FBXL18: variants seen among roughly 807,000 people sequenced by gnomAD.
FBXL18 encodes the protein F-box/LRR-repeat protein 18.
A neutral mutation model predicts 46.0 loss-of-function variants in FBXL18; 36 were observed. The observed-to-expected ratio is 0.78, with a 90% CI of 0.60 to 1.03. The LOEUF (loss-of-function observed/expected upper bound fraction) is 1.03, where lower values mean the gene tolerates loss of function less well. FBXL18 is among the 50% of genes least tolerant of loss of function. FBXL18 has a pLI of 0.00. For synonymous variants in FBXL18, 557 were observed against 465.3 expected (o/e 1.20, Z -2.54); for missense variants, 977 against 1,004.1 (o/e 0.97, Z 0.36).
At chr7:5,474,770 C>T (rs1228081913), downstream of FBXL18, among the ~76,000 whole-genome samples, 3 of 150,742 alleles carry the variant, frequency 2.0e-5, no homozygotes, top group Non-Finnish European at 3.0e-5. Context: ...TGCAGTGGCG[C>T]GATCTCGGCT....
At chr7:5,470,121 G>T (rs999518024) in intron 4 of FBXL18, among the ~76,000 whole-genome samples, 19 of 152,118 alleles carry the variant, frequency 1.2e-4, no homozygotes, top group African/African-American at 4.6e-4. Flanking sequence ...TTCCCAGCAG[G>T]GGCTAGAGAT....
In FBXL18 at chr7:5,481,983, C is replaced by T. The variant is rs375266506; in HGVS notation, c.2001-52G>A. 1.8e-3 allele frequency: 2,859 copies of T among 1,546,472 alleles called. 7 individuals carry two copies. Among genetic ancestry groups the T allele is most frequent in the Non-Finnish European group, 2.1e-3 (2,432 of 1,146,056 alleles). On this transcript the variant is annotated intron_variant, in intron 4 of 4. Transcript: ENST00000382368. ...ATTACATGGGTGGCCACGGAGGGGGCGGAGCCTGCTGGGGAAGCCCAGGAG... is the reference window on the plus strand; with the variant it reads ...ATTACATGGGTGGCCACGGAGGGGGTGGAGCCTGCTGGGGAAGCCCAGGAG...
rs562177477 is a variant in FBXL18, at chr7:5,479,067, T to C, written c.*2708A>G. The C allele has an allele frequency of 2.9e-4, 44 of 152,248 alleles. No individual in the cohort carries two copies. Among genetic ancestry groups the C allele is most frequent in the African/African-American group, 1.0e-3 (43 of 41,552 alleles). 9.4% of individuals were successfully genotyped at this position (152,248 alleles called of 1,614,324 possible). A position where few individuals can be genotyped will look rare whatever the true frequency, so the allele number is the denominator to read the frequency against. On this transcript the variant is annotated 3_prime_UTR_variant, in exon 5 of 5. Coordinates refer to ENST00000382368, the MANE Select transcript of FBXL18 (RefSeq NM_024963.6). Reference sequence around the variant, plus strand: ...AGAAAATAAGCACGTTATTAACATCTGGTGAAGCCCATCTCGGGGGTAGCA... The same window carrying C: ...AGAAAATAAGCACGTTATTAACATCCGGTGAAGCCCATCTCGGGGGTAGCA...
chr7:5,483,300 G>T (rs922211852), intron 4 of FBXL18, among the ~76,000 whole-genome samples: 3 of 150,998 alleles, frequency 2.0e-5, no homozygotes, highest in African/African-American at 4.9e-5. Context: ...AATTAGCAAG[G>T]CAGGATGGCG....
chr7:5,495,838 G>A lies in FBXL18; in HGVS notation c.1782-4389C>T, dbSNP rs372099307. The A allele has an allele frequency of 3.4e-3, 1,640 of 480,572 alleles. 5 individuals are homozygous for A. The highest frequency in any genetic ancestry group is 7.1e-3 in the Middle Eastern group (22 of 3,082). 29.8% of individuals were successfully genotyped at this position (480,572 alleles called of 1,614,324 possible). ...GAACGGGGCCAGCTGGCAGCGTCTG[G>A]GAACCGGCATTTGTTCTGAACAGGC... On this transcript the variant is annotated intron_variant, in intron 3 of 4. Transcript: ENST00000382368.
At chr7:5,473,339 G>A (rs1336618026), downstream of FBXL18, among the ~76,000 whole-genome samples, 1 of 152,100 alleles carries the variant, frequency 6.6e-6, no homozygotes, top group Non-Finnish European at 1.5e-5. Context: ...TCTGCCGGCA[G>A]CCCTGTCCCC....
At chr7:5,498,365 C>T (rs1584230051) in intron 3 of FBXL18, among the ~76,000 whole-genome samples, 2 of 152,090 alleles carry the variant, frequency 1.3e-5, no homozygotes, top group South Asian at 2.1e-4. Context: ...GGATTACAGG[C>T]GTGAGCCACG....
chr7:5,498,495 C>A (rs549864929), intron 3 of FBXL18, among the ~76,000 whole-genome samples: 1 of 152,204 alleles, frequency 6.6e-6, no homozygotes. Flanking sequence ...GGGCTCTTCG[C>A]GTGTTCTGGC....
Position 5,509,701 on chromosome 7 carries a change from C to CAAAAAAAA in FBXL18, c.18+3948_18+3955dup, listed in dbSNP as rs761762119. 6.1e-3 allele frequency among the ~76,000 whole-genome samples: 396 copies of CAAAAAAAA among 65,346 alleles called. 11 individuals are homozygous for CAAAAAAAA. Among genetic ancestry groups the CAAAAAAAA allele is most frequent in the African/African-American group, 0.017 (331 of 19,234 alleles). The allele number at this position is 65,346 out of a possible 152,430, so 42.9% of individuals were successfully genotyped here. ...TGGGTGACAGAGTGAGATTCCATCTCAAAAAAAAAAAAAAAAAAGAGAAGT... is the reference window on the plus strand; with the variant it reads ...TGGGTGACAGAGTGAGATTCCATCTCAAAAAAAAAAAAAAAAAAAAAAAAAAGAGAAGT... On this transcript the variant is annotated intron_variant, in intron 1 of 4. Coordinates refer to ENST00000382368, the MANE Select transcript of FBXL18 (RefSeq NM_024963.6).
chr7:5,489,567 G>T, intron 4 of FBXL18: 1 of 278,234 alleles, frequency 3.6e-6, no homozygotes, highest in Non-Finnish European at 7.1e-6. Flanking sequence ...TCAGGAGATC[G>T]AGACCATCCT....
At position 5,480,548 on chromosome 7, in the gene FBXL18, A is replaced by ATATATATATATATTT. The variant is rs1783616980; in HGVS notation, c.*1226_*1227insAAATATATATATATA. 2.5e-5 allele frequency: 1 copy of ATATATATATATATTT among 40,332 alleles called. No homozygotes were observed. The highest frequency in any genetic ancestry group is 9.6e-5 in the African/African-American group (1 of 10,416). 2.5% of individuals were successfully genotyped at this position (40,332 alleles called of 1,614,324 possible). A position where few individuals can be genotyped will look rare whatever the true frequency, so the allele number is the denominator to read the frequency against. On this transcript the variant is annotated 3_prime_UTR_variant, in exon 5 of 5. Coordinates refer to ENST00000382368, the MANE Select transcript of FBXL18 (RefSeq NM_024963.6). The stretch of plus-strand genomic sequence containing the variant: ...GTTGAATATATATATATATATATAT[A>ATATATATATATATTT]TTTTTTTTTTTTTTTTTTTTTTTTT...
chr7:5,512,297 T>TAAA lies in FBXL18; in HGVS notation c.18+1357_18+1359dup, dbSNP rs71004681. Among the ~76,000 whole-genome samples the TAAA allele has an allele frequency of 9.4e-5, 8 of 85,542 alleles. 1 individual carries two copies. The highest frequency in any genetic ancestry group is 2.0e-4 in the African/African-American group (5 of 24,578). 56.1% of individuals were successfully genotyped at this position (85,542 alleles called of 152,430 possible). On this transcript the variant is annotated intron_variant, in intron 1 of 4. Coordinates refer to ENST00000382368, the MANE Select transcript of FBXL18 (RefSeq NM_024963.6). ...GCACTGAACCATGTGAAGTGTTATT[T>TAAA]AAAAAAAAAAAAAAAAAAAAAAAAA...
At chr7:5,504,038 G>A (rs912517247) in intron 2 of FBXL18, among the ~76,000 whole-genome samples, 1 of 151,078 alleles carries the variant, frequency 6.6e-6, no homozygotes, top group Admixed American at 6.6e-5. Context: ...TTCCTCTGCA[G>A]AGAACAAAGC....
downstream of FBXL18, among the ~76,000 whole-genome samples, chr7:5,474,955 G>C (rs1378118115): frequency 6.7e-6 from 1 of 148,832 alleles, no homozygotes; most frequent in Non-Finnish European, 1.5e-5. Flanking sequence ...TGATCCGCCC[G>C]CCTCGGCCTC....
chr7:5,463,732 T>A (rs7458751), intron 4 of FBXL18, among the ~76,000 whole-genome samples: 288 of 12,144 alleles, frequency 0.024, 1 homozygote, highest in East Asian at 0.11. Flanking sequence ...TTATTTATTT[T>A]TTTTTTTTTT....
intron 4 of FBXL18, among the ~76,000 whole-genome samples, chr7:5,457,096 G>C (rs1219521998): frequency 6.6e-6 from 1 of 152,220 alleles, no homozygotes; most frequent in African/African-American, 2.4e-5. Context: ...ACACAGACTT[G>C]TGGGTGATGG....
chr7:5,490,209 C>T lies in FBXL18; in HGVS notation c.2000+1022G>A, dbSNP rs759304918. 3 of 1,340,054 alleles carry T rather than the reference C, an allele frequency of 2.2e-6. No homozygotes were observed. The Admixed American group carries it at 5.8e-5, about 26-fold the overall frequency. The allele number at this position is 1,340,054 out of a possible 1,614,324, so 83.0% of individuals were successfully genotyped here. On this transcript the variant is annotated intron_variant, in intron 4 of 4. Coordinates refer to ENST00000382368, the MANE Select transcript of FBXL18 (RefSeq NM_024963.6). Reference sequence around the variant, plus strand: ...GGGGCCTCCTTCCTGTCACCTCTCCCCACCTGCAGGGACACGAACACTCAG... The same window carrying T: ...GGGGCCTCCTTCCTGTCACCTCTCCTCACCTGCAGGGACACGAACACTCAG...
rs186379909 is a variant in FBXL18, at chr7:5,458,482, G to A, written c.2001-10639C>T. Among the ~76,000 whole-genome samples the A allele has an allele frequency of 5.0e-3, 747 of 150,868 alleles. 4 individuals carry two copies. Among genetic ancestry groups the A allele is most frequent in the African/African-American group, 0.017 (702 of 41,096 alleles). ...TGGGAGGCTGCGGCGGGCGGATCAC[G>A]AGATCACGAGTTCGAGACCAGCCTG... On this transcript the variant is annotated intron_variant and NMD_transcript_variant, in intron 4 of 6. Transcript: ENST00000415009.
chr7:5,484,453 GA>G (rs1317647468), intron 4 of FBXL18, among the ~76,000 whole-genome samples: 5 of 145,460 alleles, frequency 3.4e-5, no homozygotes, highest in Non-Finnish European at 7.5e-5. Flanking sequence ...CTGGGCGACA[GA>G]GGGAGACTCT....
Sources: gnomAD v4.1 joint callset for allele counts (sites outside exome capture counted in the v4.1 genomes callset) on GRCh38, gnomAD v4.1.1 for gene constraint, MANE v1.5 for transcripts, NCBI Gene and HGNC (gene_info 2026-07-23, HGNC 2026-07-21) for gene names.